Variants in ALMS1 observed in about 807,000 individuals in gnomAD.
The protein encoded by ALMS1 is ALMS1 centrosome and basal body associated protein.
A neutral mutation model predicts 352.2 loss-of-function variants in ALMS1; 271 were observed. The ratio of observed to expected loss-of-function variants is 0.77; its 90% confidence interval spans 0.70 to 0.85. ALMS1 has a LOEUF of 0.85. ALMS1 is among the 40% of genes least tolerant of loss of function. The pLI is 0.00. For synonymous variants in ALMS1, 1,865 were observed against 1,761.2 expected (o/e 1.06, Z -1.48); for missense variants, 5,445 against 4,870.7 (o/e 1.12, Z -3.51).
chr2:73,559,227 A>G (rs114044746), intron 15 of ALMS1, 85 bp downstream of exon 15: 32 of 1,508,482 alleles, frequency 2.1e-5, no homozygotes, highest in Non-Finnish European at 2.1e-5. Flanking sequence ...CATTCTGATG[A>G]GAATATAGCC....
intron 12 of ALMS1, among the ~76,000 whole-genome samples, chr2:73,548,679 A>G (rs1674368478): frequency 6.6e-6 from 1 of 152,210 alleles, no homozygotes; most frequent in Non-Finnish European, 1.5e-5. Context: ...TTTGAAGAAG[A>G]CACATCTTTT....
At chr2:73,458,691 A>C (rs1672123949) in intron 9 of ALMS1, 1 of 152,288 alleles carries the variant, frequency 6.6e-6, no homozygotes, top group African/African-American at 2.4e-5. Context: ...GCATGCACAC[A>C]GTTGCTGAGG....
intron 13 of ALMS1, among the ~76,000 whole-genome samples, chr2:73,556,135 G>C (rs1193177395): frequency 1.3e-5 from 2 of 151,850 alleles, no homozygotes; most frequent in Non-Finnish European, 2.9e-5. Flanking sequence ...TAAATACTTG[G>C]GTGTTCATTT....
chr2:73,537,354 A>G (rs1270494330), intron 12 of ALMS1, among the ~76,000 whole-genome samples: 2 of 152,196 alleles, frequency 1.3e-5, no homozygotes, highest in Non-Finnish European at 2.9e-5. Context: ...TGCTCAGGAA[A>G]GACCCAAGGC....
chr2:73,562,053 CA>C (rs770906110), intron 15 of ALMS1, among the ~76,000 whole-genome samples: 2 of 151,776 alleles, frequency 1.3e-5, no homozygotes, highest in Non-Finnish European at 2.9e-5. Flanking sequence ...TGAAGGCTGA[CA>C]GTGAAAATCC....
chr2:73,471,825 G>T lies in ALMS1; in HGVS notation c.7674+16530G>T, dbSNP rs575591047. Among the ~76,000 whole-genome samples the T allele has an allele frequency of 1.4e-4, 22 of 152,024 alleles. No homozygotes were observed. In the South Asian group the frequency reaches 4.6e-3, roughly 32 times the overall value. ...AGTATGGAGATTCCTTAAAAAATAA[G>T]AATAGAATTACCATATGATCCCACT... On this transcript the variant is annotated intron_variant, in intron 9 of 22. Transcript: ENST00000613296.
intron 3 of ALMS1, among the ~76,000 whole-genome samples, chr2:73,421,420 C>T (rs1671281695): frequency 6.6e-6 from 1 of 152,146 alleles, no homozygotes; most frequent in Admixed American, 6.6e-5. Flanking sequence ...TTGTTAAAAA[C>T]TCTTCATGAG....
intron 10 of ALMS1, among the ~76,000 whole-genome samples, chr2:73,517,849 G>A (rs551235970): frequency 2.0e-5 from 3 of 151,660 alleles, no homozygotes; most frequent in African/African-American, 7.3e-5. Context: ...GTAGAGATGG[G>A]GTTTCACCAT....
chr2:73,525,575 C>T (rs1673773160), intron 11 of ALMS1, among the ~76,000 whole-genome samples: 1 of 152,058 alleles, frequency 6.6e-6, no homozygotes, highest in Non-Finnish European at 1.5e-5. Context: ...TATATGTCTT[C>T]TTTTGAGAAA....
chr2:73,599,048 G>A (rs184535760), intron 16 of ALMS1, among the ~76,000 whole-genome samples: 138 of 152,194 alleles, frequency 9.1e-4, no homozygotes, highest in Non-Finnish European at 1.7e-3. Flanking sequence ...GCTATCTCCA[G>A]GCCTCTTTAT....
At chr2:73,429,050 C>T (rs1219065590) in intron 6 of ALMS1, among the ~76,000 whole-genome samples, 1 of 152,138 alleles carries the variant, frequency 6.6e-6, no homozygotes, top group Non-Finnish European at 1.5e-5. Context: ...GAGCAAATGA[C>T]TTCGGAGGAT....
intron 10 of ALMS1, among the ~76,000 whole-genome samples, chr2:73,501,416 A>G (rs186947705): frequency 2.2e-4 from 33 of 151,668 alleles, no homozygotes; most frequent in Non-Finnish European, 3.8e-4. Context: ...TTTCTCCTGT[A>G]TTTTCATGTA....
intron 15 of ALMS1, among the ~76,000 whole-genome samples, chr2:73,562,320 C>T (rs558123787): frequency 6.6e-6 from 1 of 152,132 alleles, no homozygotes; most frequent in Admixed American, 6.5e-5. Flanking sequence ...CACATGCTAC[C>T]ACACCTGGCT....
intron 16 of ALMS1, among the ~76,000 whole-genome samples, chr2:73,590,200 C>G (rs1047382403): frequency 2.2e-4 from 34 of 152,148 alleles, no homozygotes; most frequent in African/African-American, 7.2e-4. Context: ...ATAGAATTGA[C>G]AAAAGCACAG....
intron 10 of ALMS1, among the ~76,000 whole-genome samples, chr2:73,500,086 C>G (rs1292222644): frequency 5.9e-5 from 9 of 152,134 alleles, no homozygotes; most frequent in Non-Finnish European, 1.3e-4. Flanking sequence ...ACTAAGACAC[C>G]ATTTGAGCTG....
At chr2:73,585,509 T>G (rs947009742) in intron 16 of ALMS1, among the ~76,000 whole-genome samples, 8 of 150,932 alleles carry the variant, frequency 5.3e-5, no homozygotes, top group Non-Finnish European at 1.2e-4. Context: ...TTCTTCTGCC[T>G]CAGCCTCCCA....
At chr2:73,540,218 C>G (rs1342216117) in intron 12 of ALMS1, among the ~76,000 whole-genome samples, 1 of 152,204 alleles carries the variant, frequency 6.6e-6, no homozygotes, top group African/African-American at 2.4e-5. Flanking sequence ...CAGTATTCAA[C>G]ATTCTTAAAG....
At chr2:73,523,578 C>A (rs923635334) in intron 11 of ALMS1, among the ~76,000 whole-genome samples, 1 of 152,092 alleles carries the variant, frequency 6.6e-6, no homozygotes, top group African/African-American at 2.4e-5. Flanking sequence ...ACCAGCCTGG[C>A]CAACATAGTG....
At chr2:73,431,147 C>G (rs998632949) in intron 6 of ALMS1, among the ~76,000 whole-genome samples, 4 of 151,994 alleles carry the variant, frequency 2.6e-5, no homozygotes, top group African/African-American at 9.7e-5. Flanking sequence ...TAGTAACATC[C>G]CCTCCCCTCA....
Sources: allele counts gnomAD v4.1 joint callset (sites outside exome capture counted in the v4.1 genomes callset), GRCh38; gene constraint gnomAD v4.1.1; transcripts MANE v1.5; gene names NCBI Gene and HGNC (gene_info 2026-07-23, HGNC 2026-07-21).